SMAD3: variants seen among roughly 807,000 people sequenced by gnomAD.
The protein encoded by SMAD3 is SMAD family member 3, also known as MAD homolog 3.
A neutral mutation model predicts 51.8 loss-of-function variants in SMAD3; 12 were observed. The ratio of observed to expected loss-of-function variants is 0.23; its 90% CI spans 0.15 to 0.38. The LOEUF (loss-of-function observed/expected upper bound fraction) is 0.38, where lower values mean the gene tolerates loss of function less well. SMAD3 is among the 10% of genes least tolerant of loss of function. The pLI is 1.00. For synonymous variants in SMAD3, 238 were observed against 227.7 expected, an observed-to-expected ratio of 1.05 and a Z score of -0.41; for missense variants, 294 against 565.6, an observed-to-expected ratio of 0.52 and a Z score of 4.87.
intron 1 of SMAD3, among the ~76,000 whole-genome samples, chr15:67,116,028 G>A (rs569533458): frequency 4.6e-5 from 7 of 152,338 alleles, no homozygotes; most frequent in Admixed American, 4.6e-4. Context: ...CCAGAGATGA[G>A]AGAGATGTTT....
At chr15:67,186,487 C>G (rs1367161440) in intron 7 of SMAD3, among the ~76,000 whole-genome samples, 3 of 152,210 alleles carry the variant, frequency 2.0e-5, no homozygotes, top group Non-Finnish European at 4.4e-5. Flanking sequence ...GCGACCAGCT[C>G]AGAGTCACAC....
intron 1 of SMAD3, among the ~76,000 whole-genome samples, chr15:67,117,821 G>A (rs1961169765): frequency 6.6e-6 from 1 of 152,254 alleles, no homozygotes; most frequent in South Asian, 2.1e-4. Flanking sequence ...GCCGGGTGCA[G>A]TGGCTCATGC....
chr15:67,166,566 G>A lies in SMAD3; in HGVS notation c.533-213G>A, dbSNP rs948671649. The A allele has an allele frequency of 6.5e-5, 41 of 632,718 alleles. 2 individuals carry two copies. In the South Asian group the frequency reaches 6.9e-4, roughly 11 times the overall value. The allele number at this position is 632,718 out of a possible 1,614,324, so 39.2% of individuals were successfully genotyped here. ...GACTTGGGAGTTGATCCGGTCCTGC[G>A]TGAGCAAAGGCAGTTATGATCCAAG... On this transcript the variant is annotated intron_variant, in intron 3 of 8. Coordinates refer to ENST00000327367, the MANE Select transcript of SMAD3 (RefSeq NM_005902.4).
chr15:67,131,909 A>G, intron 1 of SMAD3, among the ~76,000 whole-genome samples: 1 of 152,188 alleles, frequency 6.6e-6, no homozygotes. Flanking sequence ...TTAACAGGAG[A>G]TAGAGATCCA....
At position 67,165,089 on chromosome 15, in the gene SMAD3, G is replaced by C; in HGVS notation, c.400+1G>C. 1 of 1,614,150 alleles carries C rather than the reference G, an allele frequency of 6.2e-7. No homozygotes were observed. The highest frequency in any genetic ancestry group is 8.5e-7 in the Non-Finnish European group (1 of 1,180,008). On this transcript the variant is annotated splice_donor_variant, in intron 2 of 8. Coordinates refer to ENST00000327367, the MANE Select transcript of SMAD3 (RefSeq NM_005902.4). LOFTEE classifies it high-confidence loss of function. ...CACTACCAGAGAGTAGAGACACCAG[G>C]TATGCTGCCTGGCCTGCCTGTGGGG...
chr15:67,103,277 C>A (rs955621919), intron 1 of SMAD3, among the ~76,000 whole-genome samples: 3 of 152,182 alleles, frequency 2.0e-5, no homozygotes, highest in African/African-American at 7.2e-5. Flanking sequence ...ACACTTGAAC[C>A]TGTTCCGTGT....
At chr15:67,093,537 C>T (rs1960552330) in intron 1 of SMAD3, among the ~76,000 whole-genome samples, 1 of 152,198 alleles carries the variant, frequency 6.6e-6, no homozygotes, top group South Asian at 2.1e-4. Flanking sequence ...TCTCAGTCTT[C>T]CCAGCAGCCC....
chr15:67,138,466 C>T (rs1961728764), intron 1 of SMAD3: 2 of 237,808 alleles, frequency 8.4e-6, no homozygotes, highest in African/African-American at 2.2e-5. Context: ...TTCCAGTCAT[C>T]GCTGTACTGA....
At chr15:67,188,026 A>T (rs1963264862) in intron 8 of SMAD3, among the ~76,000 whole-genome samples, 1 of 152,142 alleles carries the variant, frequency 6.6e-6, no homozygotes, top group Admixed American at 6.5e-5. Context: ...TGAGGAGCCC[A>T]GGATATTAAA....
At chr15:67,089,191 C>T (rs1019707786) in intron 1 of SMAD3, among the ~76,000 whole-genome samples, 4 of 152,146 alleles carry the variant, frequency 2.6e-5, no homozygotes, top group Non-Finnish European at 5.9e-5. Context: ...GGCTAGGAGA[C>T]CCCAGAGGGA....
At chr15:67,130,936 G>A (rs563735777) in intron 1 of SMAD3, among the ~76,000 whole-genome samples, 1 of 152,336 alleles carries the variant, frequency 6.6e-6, no homozygotes, top group African/African-American at 2.4e-5. Flanking sequence ...CAATTGCAGA[G>A]GCCAGAGATC....
chr15:67,187,613 C>T, intron 8 of SMAD3, 104 bp downstream of exon 8: 1 of 1,433,320 alleles, frequency 7.0e-7, no homozygotes, highest in Non-Finnish European at 9.8e-7. Flanking sequence ...GCCCTAGCGT[C>T]AAGAGCAGAA....
intron 1 of SMAD3, among the ~76,000 whole-genome samples, chr15:67,152,000 T>C (rs555356681): frequency 6.6e-6 from 1 of 152,284 alleles, no homozygotes; most frequent in African/African-American, 2.4e-5. Flanking sequence ...TATTGTAATA[T>C]ATGATTGCTA....
At chr15:67,169,006 G>A (rs1338989471) in intron 4 of SMAD3, among the ~76,000 whole-genome samples, 1 of 152,174 alleles carries the variant, frequency 6.6e-6, no homozygotes, top group Non-Finnish European at 1.5e-5. Context: ...AGGTCTTTGT[G>A]GTTCAGGCCA....
chr15:67,095,177 A>C (rs964844641), intron 1 of SMAD3, among the ~76,000 whole-genome samples: 1 of 152,150 alleles, frequency 6.6e-6, no homozygotes, highest in Non-Finnish European at 1.5e-5. Context: ...TACTGGGTGG[A>C]CAAAGGAGCT....
intron 1 of SMAD3, among the ~76,000 whole-genome samples, chr15:67,137,641 T>G (rs746800553): frequency 9.2e-5 from 14 of 152,240 alleles, no homozygotes; most frequent in Non-Finnish European, 1.9e-4. Flanking sequence ...GGTCAGTTTT[T>G]AAATGTAGCA....
intron 6 of SMAD3, among the ~76,000 whole-genome samples, chr15:67,183,152 C>T (rs1178664818): frequency 6.7e-6 from 1 of 149,044 alleles, no homozygotes; most frequent in African/African-American, 2.5e-5. Context: ...AAGTGATTCT[C>T]CTGCTTCAGC....
chr15:67,132,432 A>T (rs1436572048), intron 1 of SMAD3, among the ~76,000 whole-genome samples: 1 of 152,144 alleles, frequency 6.6e-6, no homozygotes, highest in Non-Finnish European at 1.5e-5. Flanking sequence ...GCTAGACCAG[A>T]ATGTGCAGCT....
At chr15:67,102,037 C>T (rs1439706645) in intron 1 of SMAD3, among the ~76,000 whole-genome samples, 1 of 152,192 alleles carries the variant, frequency 6.6e-6, no homozygotes, top group African/African-American at 2.4e-5. Flanking sequence ...TTTATTTCTT[C>T]CATCAAATCG....
Sources: gnomAD v4.1 joint callset for allele counts (sites outside exome capture counted in the v4.1 genomes callset) on GRCh38, gnomAD v4.1.1 for gene constraint, MANE v1.5 for transcripts, NCBI Gene and HGNC (gene_info 2026-07-23, HGNC 2026-07-21) for gene names.